The following AP3M2 variants were observed in gnomAD, a reference collection of about 807,000 sequenced individuals.
The protein encoded by AP3M2 is adaptor related protein complex 3 subunit mu 2, also known as AP-3 complex subunit mu-2.
A neutral mutation model predicts 41.6 loss-of-function variants in AP3M2; 28 were observed. The observed-to-expected ratio is 0.67, with a 90% confidence interval of 0.50 to 0.92. The LOEUF is 0.92. AP3M2 is among the 40% of genes least tolerant of loss of function. The pLI is 0.00. For missense variants in AP3M2, 427 were observed against 521.4 expected, an observed-to-expected ratio of 0.82 and a Z score of 1.76; for synonymous variants, 193 against 186.4, an observed-to-expected ratio of 1.04 and a Z score of -0.29.
At position 42,165,501 on chromosome 8, in the gene AP3M2, C is replaced by T. The variant is rs1374516704; in HGVS notation, c.744C>T (p.Leu248=). The T allele has an allele frequency of 1.2e-6, 2 of 1,614,194 alleles. No homozygotes were observed. The highest frequency in any genetic ancestry group is 3.3e-5 in the Admixed American group (2 of 60,020). ...AACGCTGGGAATCTGAGCGCATCCTCTCCTTCATCCCTCCTGATGGAAACT... is the reference window on the plus strand; with the variant it reads ...AACGCTGGGAATCTGAGCGCATCCTTTCCTTCATCCCTCCTGATGGAAACT... ...RFKRWESERI[L]SFIPPDGNFR... Residue 248 remains leucine (L), a synonymous_variant, in exon 6 of 9, where the codon CTC becomes CTT. Transcript: ENST00000396926.
At chr8:42,162,875 A>G (rs1745943026) in intron 4 of AP3M2, among the ~76,000 whole-genome samples, 1 of 137,078 alleles carries the variant, frequency 7.3e-6, no homozygotes, top group Non-Finnish European at 1.5e-5. Flanking sequence ...GAGCTTGGGA[A>G]GTTGAGGTTG....
intron 2 of AP3M2, chr8:42,155,682 A>G (rs1804334939): frequency 1.5e-5 from 3 of 203,824 alleles, no homozygotes. Flanking sequence ...ACACAGAGGA[A>G]CTTTCTCCCA....
intron 1 of AP3M2, 36 bp downstream of exon 1, chr8:42,153,141 G>A (rs957996083): frequency 2.0e-5 from 3 of 152,356 alleles, no homozygotes; most frequent in Non-Finnish European, 4.4e-5. Context: ...CTGGAGAGGG[G>A]GCAGGAGTGG....
chr8:42,169,091 C>T lies in AP3M2; in HGVS notation c.*30C>T. On this transcript the variant is annotated 3_prime_UTR_variant, in exon 9 of 9. Coordinates refer to ENST00000396926, the MANE Select transcript of AP3M2 (RefSeq NM_006803.4). ...AGCATTTGCTGAGGGAATAGTCTTGCACATTTTTTCATTTCTTACTTGTCT... is the reference window on the plus strand; with the variant it reads ...AGCATTTGCTGAGGGAATAGTCTTGTACATTTTTTCATTTCTTACTTGTCT... 2 of 1,532,860 alleles carry T rather than the reference C, an allele frequency of 1.3e-6. No individual in the cohort carries two copies. Among genetic ancestry groups the T allele is most frequent in the Non-Finnish European group, 1.8e-6 (2 of 1,120,394 alleles). 95.0% of individuals were successfully genotyped at this position (1,532,860 alleles called of 1,614,324 possible).
At chr8:42,165,330 G>T in intron 5 of AP3M2, 97 bp from the exon 6 acceptor site, 4 of 1,479,332 alleles carry the variant, frequency 2.7e-6, no homozygotes, top group South Asian at 2.5e-5. Flanking sequence ...TGTGTGTGTG[G>T]TGTGTTTTAA....
chr8:42,165,381 G>T lies in AP3M2; in HGVS notation c.670-46G>T, dbSNP rs780400687. The T allele has an allele frequency of 5.0e-6, 8 of 1,605,366 alleles. No homozygotes were observed. The East Asian group carries it at 1.8e-4, about 36-fold the overall frequency. ...AAATTGCTTTCCTGAAAGCACTGCG[G>T]GTGTTTAATGCCCACTTCTTGCTTC... On this transcript the variant is annotated intron_variant, in intron 5 of 8. Coordinates refer to ENST00000396926, the MANE Select transcript of AP3M2 (RefSeq NM_006803.4).
chr8:42,155,867 G>A (rs2150956800), intron 2 of AP3M2: 1 of 383,150 alleles, frequency 2.6e-6, no homozygotes, highest in Non-Finnish European at 5.2e-6. Context: ...AAGTTAAAAA[G>A]CAAGTCAAAG....
Position 42,168,892 on chromosome 8 carries a change from A to G in AP3M2, c.1157-69A>G. The G allele has an allele frequency of 2.4e-6, 3 of 1,227,988 alleles. No homozygotes were observed. In the South Asian group the frequency reaches 4.3e-5, roughly 18 times the overall value. 76.1% of individuals were successfully genotyped at this position (1,227,988 alleles called of 1,614,324 possible). ...CCACTGACTTCAGTGTATTGAACAG[A>G]AACAGTTAGGCGACCTGCTCCTTTT... On this transcript the variant is annotated intron_variant, in intron 8 of 8. Transcript: ENST00000396926.
intron 3 of AP3M2, 121 bp from the exon 4 acceptor site, chr8:42,162,160 C>A: frequency 2.0e-6 from 2 of 1,005,174 alleles, no homozygotes; most frequent in African/African-American, 1.7e-5. Flanking sequence ...ACCTCATCTT[C>A]TGTTTGAAAA....
chr8:42,168,275 C>A (rs1217596257), intron 8 of AP3M2: 1 of 455,630 alleles, frequency 2.2e-6, no homozygotes, highest in Non-Finnish European at 4.4e-6. Context: ...TCTGTGCCGA[C>A]CTTAGCACGG....
Position 42,162,276 on chromosome 8 carries a change from C to T in AP3M2, c.446-5C>T. 1 of 1,608,654 alleles carries T rather than the reference C, an allele frequency of 6.2e-7. No individual in the cohort carries two copies. Among genetic ancestry groups the T allele is most frequent in the Non-Finnish European group, 8.5e-7 (1 of 1,177,918 alleles). On this transcript the variant is annotated splice_polypyrimidine_tract_variant and splice_region_variant and intron_variant, in intron 3 of 8. Coordinates refer to ENST00000396926, the MANE Select transcript of AP3M2 (RefSeq NM_006803.4). ...GTTAAAATACAGTAATATTAATTGC[C>T]TCAGGAAGCACGAATGTGGGTGACC...
chr8:42,165,335 T>C, intron 5 of AP3M2, 92 bp from the exon 6 acceptor site: 6 of 1,518,248 alleles, frequency 4.0e-6, no homozygotes, highest in African/African-American at 1.4e-5. Flanking sequence ...GTGTGGTGTG[T>C]TTTAATTAAA....
intron 6 of AP3M2, among the ~76,000 whole-genome samples, chr8:42,166,225 G>A (rs1180133791): frequency 1.3e-5 from 2 of 152,112 alleles, no homozygotes; most frequent in Non-Finnish European, 2.9e-5. Context: ...TAAGTATAAG[G>A]ACATCAGTAT....
chr8:42,162,451 A>C, intron 4 of AP3M2, 33 bp downstream of exon 4: 1 of 1,575,384 alleles, frequency 6.3e-7, no homozygotes, highest in Non-Finnish European at 8.6e-7. Context: ...CAGAAATATG[A>C]AAATAGAAAG....
Position 42,158,121 on chromosome 8 carries a change from G to T in AP3M2, c.445+9G>T. The T allele has an allele frequency of 6.2e-7, 1 of 1,611,106 alleles. No individual in the cohort carries two copies. Among genetic ancestry groups the T allele is most frequent in the Non-Finnish European group, 8.5e-7 (1 of 1,177,458 alleles). ...TGTCAACACCATCACAGGTACGGCA[G>T]AGGGGGAAACTGATAGATAGTGGCC... On this transcript the variant is annotated intron_variant, in intron 3 of 8. Transcript: ENST00000396926.
chr8:42,160,026 C>T (rs1804468074), intron 3 of AP3M2, among the ~76,000 whole-genome samples: 1 of 152,030 alleles, frequency 6.6e-6, no homozygotes. Flanking sequence ...ATGTGTCCTA[C>T]CAGATATCAG....
chr8:42,169,643 T>C lies in AP3M2; in HGVS notation c.*582T>C, dbSNP rs1399957796. ...TGAGTTGGTTTCTTTCTGATTCCTC[T>C]ACTCATGTAGAAAACACTTGTACTT... On this transcript the variant is annotated 3_prime_UTR_variant, in exon 9 of 9. Coordinates refer to ENST00000396926, the MANE Select transcript of AP3M2 (RefSeq NM_006803.4). The C allele has an allele frequency of 6.6e-6, 1 of 152,228 alleles. No homozygotes were observed. The highest frequency in any genetic ancestry group is 2.4e-5 in the African/African-American group (1 of 41,464). 9.4% of individuals were successfully genotyped at this position (152,228 alleles called of 1,614,324 possible). A position where few individuals can be genotyped will look rare whatever the true frequency, so the allele number is the denominator to read the frequency against.
At chr8:42,155,973 C>T (rs1225759786) in intron 2 of AP3M2, 2 of 456,214 alleles carry the variant, frequency 4.4e-6, no homozygotes, top group South Asian at 3.1e-5. Context: ...CTGCAATACT[C>T]TGTAGTACTA....
chr8:42,165,052 T>C lies in AP3M2; in HGVS notation c.584-19T>C, dbSNP rs1177065354. ...AGTATTCAGTAATCTGTGTTCTTTT[T>C]GTCTTATTCCTGTCTCAGGCTCCAC... is the stretch of plus-strand genomic sequence containing the variant. On this transcript the variant is annotated intron_variant, in intron 4 of 8. Transcript: ENST00000396926. 1.2e-6 allele frequency: 2 copies of C among 1,606,560 alleles called. No homozygotes were observed. Among genetic ancestry groups the C allele is most frequent in the Admixed American group, 3.4e-5 (2 of 59,140 alleles).
Sources: gnomAD v4.1 joint callset for allele counts (sites outside exome capture counted in the v4.1 genomes callset) on GRCh38, gnomAD v4.1.1 for gene constraint, MANE v1.5 for transcripts, NCBI Gene and HGNC (gene_info 2026-07-23, HGNC 2026-07-21) for gene names.